THADA: variants seen among roughly 807,000 people sequenced by gnomAD.
THADA encodes the protein THADA armadillo repeat containing, also known as tRNA (32-2'-O)-methyltransferase regulator THADA.
THADA carries 213 observed loss-of-function variants against 219.8 expected under a neutral mutation model. The observed-to-expected ratio is 0.97, with a 90% CI of 0.87 to 1.09. The LOEUF is 1.09. Among genes scored for constraint, THADA ranks in the 50% least tolerant of loss-of-function variants. THADA has a pLI of 0.00. For missense variants in THADA, 2,956 were observed against 2,311.3 expected (o/e 1.28, Z -5.72); for synonymous variants, 1,018 against 828.9 (o/e 1.23, Z -3.92).
rs757774993 is a variant in THADA, at chr2:43,428,137, CA to C, written c.4020del (p.Ala1341LeufsTer12). The C allele has an allele frequency of 6.2e-6, 10 of 1,610,998 alleles. No individual in the cohort carries two copies. Among genetic ancestry groups the C allele is most frequent in the Non-Finnish European group, 4.2e-6 (5 of 1,178,270 alleles). On this transcript the variant is annotated frameshift_variant, in exon 28 of 38. Coordinates refer to ENST00000405975, the MANE Select transcript of THADA (RefSeq NM_022065.5). LOFTEE classifies it high-confidence loss of function. ...LYASPMDGTS[S>X]ALSMGPFVPF... is the part of the protein sequence containing the mutation. ...GGAACAAAAGGTCCCATGCTGAGAG[CA>C]GAAGAAGTACCATCCATCGGGGAAG...
chr2:43,295,410 C>T lies in THADA; in HGVS notation c.4439-2197G>A, dbSNP rs149008903. Among the ~76,000 whole-genome samples the T allele has an allele frequency of 2.2e-3, 338 of 152,330 alleles. 3 individuals carry two copies. Among genetic ancestry groups the T allele is most frequent in the African/African-American group, 7.9e-3 (328 of 41,572 alleles). On this transcript the variant is annotated intron_variant, in intron 31 of 37. Transcript: ENST00000405975. ...TAGCCCTCTTCGGTTTGAGTCATCC[C>T]CCACTTATGAATCCTCTTAATTGTA...
At chr2:43,374,619 T>C (rs770065588) in intron 29 of THADA, among the ~76,000 whole-genome samples, 6 of 152,188 alleles carry the variant, frequency 3.9e-5, no homozygotes, top group Non-Finnish European at 7.3e-5. Flanking sequence ...ATGCATTCTA[T>C]ACGAAGGAAC....
chr2:43,483,127 T>C (rs528941388), intron 26 of THADA, among the ~76,000 whole-genome samples: 1 of 152,290 alleles, frequency 6.6e-6, no homozygotes, highest in Non-Finnish European at 1.5e-5. Context: ...AGCAGGACAA[T>C]CTGTGGTTGT....
Position 43,443,313 on chromosome 2 carries a change from C to A in THADA, c.3837-13011G>T, listed in dbSNP as rs1033010820. ...AGATAGTAACACATTAATAATTACACAAAATGCATCATCAGGTATAAATGT... is the reference window on the plus strand; with the variant it reads ...AGATAGTAACACATTAATAATTACAAAAAATGCATCATCAGGTATAAATGT... On this transcript the variant is annotated intron_variant, in intron 26 of 37. Transcript: ENST00000405975. Among the ~76,000 whole-genome samples the A allele has an allele frequency of 3.9e-5, 6 of 152,148 alleles. No individual in the cohort carries two copies. The East Asian group carries it at 1.2e-3, about 29-fold the overall frequency.
intron 29 of THADA, among the ~76,000 whole-genome samples, chr2:43,349,172 G>A (rs1264386963): frequency 1.3e-5 from 2 of 152,184 alleles, no homozygotes; most frequent in South Asian, 4.1e-4. Context: ...GCAGCTGGGA[G>A]GAGCAGGGAA....
chr2:43,288,819 T>G (rs1674354150), intron 34 of THADA, among the ~76,000 whole-genome samples: 1 of 152,238 alleles, frequency 6.6e-6, no homozygotes, highest in Non-Finnish European at 1.5e-5. Context: ...ACCATAGAAT[T>G]CACTCATTTA....
At chr2:43,468,858 C>T (rs971970289) in intron 26 of THADA, among the ~76,000 whole-genome samples, 1 of 152,128 alleles carries the variant, frequency 6.6e-6, no homozygotes, top group Non-Finnish European at 1.5e-5. Context: ...ATACTATTAC[C>T]ATCCCCATTT....
intron 8 of THADA, among the ~76,000 whole-genome samples, chr2:43,579,811 C>A (rs1405348808): frequency 1.3e-5 from 2 of 152,112 alleles, no homozygotes; most frequent in African/African-American, 4.8e-5. Context: ...AACCAACCTG[C>A]TGAAGATGGC....
At chr2:43,246,861 A>G (rs373760504) in intron 36 of THADA, among the ~76,000 whole-genome samples, 1 of 152,214 alleles carries the variant, frequency 6.6e-6, no homozygotes, top group Non-Finnish European at 1.5e-5. Flanking sequence ...CACCGCTGAC[A>G]TGGCCCTAGG....
In THADA at chr2:43,440,124, T is replaced by C. The variant is rs530739306; in HGVS notation, c.3837-9822A>G. On this transcript the variant is annotated intron_variant, in intron 26 of 37. Coordinates refer to ENST00000405975, the MANE Select transcript of THADA (RefSeq NM_022065.5). The stretch of plus-strand genomic sequence containing the variant: ...GAACTGTGTAATAGCATTTCAGCTT[T>C]CCTATTTTAAAAAATTCAGTGCATA... Among the ~76,000 whole-genome samples, 14 of 152,206 alleles carry C rather than the reference T, an allele frequency of 9.2e-5. No individual in the cohort carries two copies. The South Asian group carries it at 1.0e-3, about 11-fold the overall frequency.
Position 43,430,279 on chromosome 2 carries a change from G to A in THADA, c.3860C>T (p.Ser1287Phe), listed in dbSNP as rs765881990. 30 of 1,549,194 alleles carry A rather than the reference G, an allele frequency of 1.9e-5. No homozygotes were observed. The highest frequency in any genetic ancestry group is 2.4e-5 in the Non-Finnish European group (27 of 1,145,998). The change falls in exon 27 of 38, where the codon TCT becomes TTT. Residue 1287 changes from serine to phenylalanine, a missense_variant. By Grantham distance (155) the Ser-to-Phe change is radical (BLOSUM62 -2). Coordinates refer to ENST00000405975, the MANE Select transcript of THADA (RefSeq NM_022065.5). The stretch of plus-strand genomic sequence containing the variant: ...AAAAGGATAGAGTTCTGGGAAACGA[G>A]AGAAAAACTCTCTCCCTGTCATTCT... ...TNRMTGREFF[S>F]RFPELYPFLL...
At chr2:43,339,957 A>C (rs369679053) in intron 30 of THADA, among the ~76,000 whole-genome samples, 1 of 151,884 alleles carries the variant, frequency 6.6e-6, no homozygotes, top group Non-Finnish European at 1.5e-5. Flanking sequence ...AATAAATAAA[A>C]AACTTAAAAA....
intron 29 of THADA, among the ~76,000 whole-genome samples, chr2:43,364,111 C>G (rs1290855428): frequency 6.6e-6 from 1 of 151,992 alleles, no homozygotes; most frequent in Non-Finnish European, 1.5e-5. Context: ...TTAGTTCCAG[C>G]TACCAGGGAG....
intron 29 of THADA, among the ~76,000 whole-genome samples, chr2:43,352,471 T>A (rs953636710): frequency 6.6e-6 from 1 of 151,926 alleles, no homozygotes; most frequent in East Asian, 1.9e-4. Flanking sequence ...GGCAGGAGAA[T>A]CACTTGAACC....
intron 36 of THADA, among the ~76,000 whole-genome samples, chr2:43,265,501 GTTC>G (rs1303484272): frequency 6.6e-6 from 1 of 152,284 alleles, no homozygotes; most frequent in East Asian, 1.9e-4. Flanking sequence ...CCTTTCCTAA[GTTC>G]TTAAGGCAGC....
At chr2:43,423,237 C>G (rs1276896724) in intron 28 of THADA, among the ~76,000 whole-genome samples, 2 of 152,030 alleles carry the variant, frequency 1.3e-5, no homozygotes, top group Non-Finnish European at 2.9e-5. Context: ...ATCTAGCTTG[C>G]CTTCATTTTT....
intron 28 of THADA, chr2:43,408,378 T>C (rs1432713013): frequency 6.6e-6 from 1 of 152,194 alleles, no homozygotes; most frequent in Non-Finnish European, 1.5e-5. Flanking sequence ...CTGAGCAAAG[T>C]ATAGTATTTA....
At chr2:43,555,752 T>A (rs2103904700) in intron 17 of THADA, among the ~76,000 whole-genome samples, 1 of 152,282 alleles carries the variant, frequency 6.6e-6, no homozygotes, top group South Asian at 2.1e-4. Context: ...TTTTTAACTC[T>A]CTTTCTATAT....
intron 28 of THADA, among the ~76,000 whole-genome samples, chr2:43,422,279 C>CAT (rs1298774870): frequency 1.3e-5 from 2 of 152,174 alleles, no homozygotes; most frequent in Non-Finnish European, 2.9e-5. Context: ...CGCCTTCTAC[C>CAT]ATATGGCAGT....
Sources: allele counts gnomAD v4.1 joint callset (sites outside exome capture counted in the v4.1 genomes callset), GRCh38; gene constraint gnomAD v4.1.1; transcripts MANE v1.5; gene names NCBI Gene and HGNC (gene_info 2026-07-23, HGNC 2026-07-21).